The following ATRNL1 variants were observed in gnomAD, a reference collection of about 807,000 sequenced individuals.
The protein encoded by ATRNL1 is attractin like 1.
Under a neutral mutation model 182.7 loss-of-function variants are expected in ATRNL1, and 95 were observed. The observed-to-expected ratio is 0.52, with a 90% CI of 0.44 to 0.62. The LOEUF (loss-of-function observed/expected upper bound fraction) is 0.62. Among genes scored for constraint, ATRNL1 ranks in the 20% least tolerant of loss-of-function variants. The pLI is 0.00. For missense variants in ATRNL1, 1,471 were observed against 1,679.5 expected (o/e 0.88, Z 2.17); for synonymous variants, 576 against 568.3 (o/e 1.01, Z -0.19).
In ATRNL1 at chr10:115,913,109, A is replaced by G. The variant is rs1221924792; in HGVS notation, c.4019-31549A>G. Among the ~76,000 whole-genome samples the G allele has an allele frequency of 2.6e-5, 4 of 152,358 alleles. No individual in the cohort carries two copies. The East Asian group carries it at 5.8e-4, about 22-fold the overall frequency. On this transcript the variant is annotated intron_variant, in intron 28 of 28. Transcript: ENST00000355044. ...AGAGAAAAAACTATTAGTGGGATGG[A>G]TAACAGGCTGCAAAAGTACTTTATG... is the stretch of plus-strand genomic sequence containing the variant.
At chr10:115,136,103 A>T (rs902512199) in intron 5 of ATRNL1, among the ~76,000 whole-genome samples, 18 of 151,792 alleles carry the variant, frequency 1.2e-4, no homozygotes, top group Non-Finnish European at 4.4e-5. Flanking sequence ...GGCTCCAGTG[A>T]TCCTCCCACC....
At chr10:115,256,166 A>T (rs1851123565) in intron 10 of ATRNL1, among the ~76,000 whole-genome samples, 1 of 152,164 alleles carries the variant, frequency 6.6e-6, no homozygotes, top group South Asian at 2.1e-4. Flanking sequence ...TGAGTTAGGG[A>T]GGATTCCCTC....
chr10:115,940,927 A>G (rs552740600), intron 28 of ATRNL1, among the ~76,000 whole-genome samples: 50 of 152,334 alleles, frequency 3.3e-4, no homozygotes, highest in African/African-American at 1.2e-3. Flanking sequence ...AGTTATTATG[A>G]TTATTATCCT....
At chr10:115,739,681 T>G (rs1312432739) in intron 27 of ATRNL1, among the ~76,000 whole-genome samples, 1 of 152,212 alleles carries the variant, frequency 6.6e-6, no homozygotes, top group Non-Finnish European at 1.5e-5. Context: ...TAATACAACT[T>G]TCTCAGTAAC....
intron 26 of ATRNL1, among the ~76,000 whole-genome samples, chr10:115,553,773 C>G (rs1853144749): frequency 6.6e-6 from 1 of 151,286 alleles, no homozygotes; most frequent in Admixed American, 6.6e-5. Flanking sequence ...CAAATCCAGA[C>G]AAAAGTAATA....
chr10:115,881,744 G>C (rs2134442026), intron 28 of ATRNL1, among the ~76,000 whole-genome samples: 1 of 152,252 alleles, frequency 6.6e-6, no homozygotes, highest in Non-Finnish European at 1.5e-5. Flanking sequence ...GAGACTTGGA[G>C]AGTTTCACTA....
chr10:115,643,521 G>C (rs1271531358), intron 26 of ATRNL1, among the ~76,000 whole-genome samples: 1 of 152,084 alleles, frequency 6.6e-6, no homozygotes, highest in Admixed American at 6.6e-5. Context: ...CACAGACAGG[G>C]ATAAAAATTT....
At chr10:115,878,434 T>C (rs969876290) in intron 28 of ATRNL1, among the ~76,000 whole-genome samples, 2 of 152,214 alleles carry the variant, frequency 1.3e-5, no homozygotes, top group African/African-American at 4.8e-5. Context: ...TCAATATGCT[T>C]ACCTGTCTAC....
intron 27 of ATRNL1, among the ~76,000 whole-genome samples, chr10:115,839,900 T>C (rs1555096594): frequency 6.6e-6 from 1 of 152,240 alleles, no homozygotes; most frequent in African/African-American, 2.4e-5. Flanking sequence ...TAGAATGGAC[T>C]AGCCTGGGAA....
intron 26 of ATRNL1, among the ~76,000 whole-genome samples, chr10:115,644,907 C>A (rs1555031707): frequency 6.6e-6 from 1 of 152,108 alleles, no homozygotes; most frequent in South Asian, 2.1e-4. Flanking sequence ...AGTTCATTCT[C>A]AAAATGTGCT....
At chr10:115,687,437 C>T (rs987215031) in intron 26 of ATRNL1, among the ~76,000 whole-genome samples, 1 of 151,986 alleles carries the variant, frequency 6.6e-6, no homozygotes. Flanking sequence ...TGTTGCAAAT[C>T]GCAAGATTGC....
At chr10:115,897,694 T>G (rs1403476699) in intron 28 of ATRNL1, among the ~76,000 whole-genome samples, 2 of 152,114 alleles carry the variant, frequency 1.3e-5, no homozygotes, top group African/African-American at 4.8e-5. Context: ...TGCCAGATTT[T>G]TGTGGAAGAG....
At chr10:115,672,381 G>C (rs1168323793) in intron 26 of ATRNL1, among the ~76,000 whole-genome samples, 1 of 152,064 alleles carries the variant, frequency 6.6e-6, no homozygotes, top group African/African-American at 2.4e-5. Flanking sequence ...CCTTTTGAAA[G>C]AACACAACTT....
chr10:115,406,860 A>G (rs1452535114), intron 20 of ATRNL1, among the ~76,000 whole-genome samples: 1 of 152,122 alleles, frequency 6.6e-6, no homozygotes, highest in Non-Finnish European at 1.5e-5. Context: ...TAATTTTAAT[A>G]TAATCCAGTA....
intron 1 of ATRNL1, among the ~76,000 whole-genome samples, chr10:115,101,260 T>C (rs1257473953): frequency 1.3e-5 from 2 of 151,748 alleles, no homozygotes; most frequent in Non-Finnish European, 2.9e-5. Context: ...TGAATAGAGG[T>C]GATGAGAGTG....
intron 19 of ATRNL1, among the ~76,000 whole-genome samples, chr10:115,337,324 T>C (rs1554937038): frequency 6.6e-6 from 1 of 152,188 alleles, no homozygotes; most frequent in Non-Finnish European, 1.5e-5. Flanking sequence ...TTATCCTTTG[T>C]GTTACAAAGA....
intron 26 of ATRNL1, among the ~76,000 whole-genome samples, chr10:115,681,566 T>C (rs1946047101): frequency 6.6e-6 from 1 of 152,060 alleles, no homozygotes; most frequent in African/African-American, 2.4e-5. Flanking sequence ...TATCCTTCCG[T>C]TTGATAGAAG....
chr10:115,663,102 G>C (rs1328087124), intron 26 of ATRNL1, among the ~76,000 whole-genome samples: 1 of 151,912 alleles, frequency 6.6e-6, no homozygotes, highest in Non-Finnish European at 1.5e-5. Flanking sequence ...TTTGTAACTG[G>C]TTAGTATATG....
At chr10:115,715,560 G>A (rs1487400215) in intron 26 of ATRNL1, among the ~76,000 whole-genome samples, 1 of 152,146 alleles carries the variant, frequency 6.6e-6, no homozygotes, top group Non-Finnish European at 1.5e-5. Flanking sequence ...AAAGGGCATT[G>A]ACCTGTTCAG....
Sources: gnomAD v4.1 joint callset for allele counts (sites outside exome capture counted in the v4.1 genomes callset) on GRCh38, gnomAD v4.1.1 for gene constraint, MANE v1.5 for transcripts, NCBI Gene and HGNC (gene_info 2026-07-23, HGNC 2026-07-21) for gene names.